Variants in PTPRD observed in about 807,000 individuals in gnomAD.
PTPRD encodes protein tyrosine phosphatase receptor type D, also known as receptor-type tyrosine-protein phosphatase delta.
In PTPRD, 34 loss-of-function variants were observed where a neutral mutation model predicts 214.5. The ratio of observed to expected loss-of-function variants is 0.16; its 90% CI spans 0.12 to 0.21. The LOEUF is 0.21. PTPRD is among the 10% of genes least tolerant of loss of function. PTPRD has a pLI of 1.00. For missense variants in PTPRD, 2,545 were observed against 2,398.7 expected, an observed-to-expected ratio of 1.06 and a Z score of -1.27; for synonymous variants, 1,128 against 845.7, an observed-to-expected ratio of 1.33 and a Z score of -5.79.
chr9:8,837,568 T>C (rs186423282), intron 11 of PTPRD, among the ~76,000 whole-genome samples: 18 of 152,284 alleles, frequency 1.2e-4, no homozygotes, highest in South Asian at 2.1e-4. Context: ...AGTAGCACAA[T>C]CGTGGTGAGC....
At chr9:10,355,479 CTT>C (rs1273617961) in intron 2 of PTPRD, among the ~76,000 whole-genome samples, 9 of 136,652 alleles carry the variant, frequency 6.6e-5, no homozygotes, top group Admixed American at 1.5e-4. Context: ...TATTTCTTTT[CTT>C]TTTTTTTTTT....
chr9:9,185,342 C>G (rs1199793367), intron 9 of PTPRD, among the ~76,000 whole-genome samples: 1 of 151,988 alleles, frequency 6.6e-6, no homozygotes, highest in Non-Finnish European at 1.5e-5. Context: ...ACTGACACTT[C>G]TCTCCCTTTC....
intron 12 of PTPRD, among the ~76,000 whole-genome samples, chr9:8,656,350 C>A (rs921106145): frequency 1.3e-5 from 2 of 152,270 alleles, no homozygotes; most frequent in South Asian, 2.1e-4. Flanking sequence ...AAAGCTGATT[C>A]CACTTTCAGA....
intron 8 of PTPRD, among the ~76,000 whole-genome samples, chr9:9,573,234 TA>T (rs2087112680): frequency 6.6e-6 from 1 of 151,614 alleles, no homozygotes; most frequent in East Asian, 1.9e-4. Flanking sequence ...AACAAAGCAA[TA>T]CCTACTGTAT....
rs547443874 is a variant in PTPRD at position 10,112,237 on chromosome 9, C to T, written c.-544-78447G>A. Among the ~76,000 whole-genome samples, 16 of 152,282 alleles carry T rather than the reference C, an allele frequency of 1.1e-4. 1 individual carries two copies. In the South Asian group the frequency reaches 3.3e-3, roughly 32 times the overall value. Reference sequence around the variant, plus strand: ...AGAAGCCGACTAGCCAGGAAGACAACCAGTCACAGCTGAGCTCCCAGGGTT... The same window carrying T: ...AGAAGCCGACTAGCCAGGAAGACAATCAGTCACAGCTGAGCTCCCAGGGTT... On this transcript the variant is annotated intron_variant, in intron 3 of 45. Coordinates refer to ENST00000381196, the MANE Select transcript of PTPRD (RefSeq NM_002839.4).
At chr9:8,712,106 C>T (rs985098561) in intron 12 of PTPRD, among the ~76,000 whole-genome samples, 4 of 152,074 alleles carry the variant, frequency 2.6e-5, no homozygotes, top group South Asian at 2.1e-4. Flanking sequence ...TTTTTTAAAT[C>T]GACCAAGAAG....
intron 14 of PTPRD, among the ~76,000 whole-genome samples, chr9:8,618,072 T>C (rs1305373444): frequency 2.0e-5 from 3 of 152,132 alleles, no homozygotes; most frequent in Non-Finnish European, 4.4e-5. Context: ...ACTGTGAGGA[T>C]CTTCTCACTG....
At chr9:9,757,248 T>A (rs1460184249) in intron 6 of PTPRD, among the ~76,000 whole-genome samples, 1 of 152,202 alleles carries the variant, frequency 6.6e-6, no homozygotes, top group African/African-American at 2.4e-5. Context: ...ATTTAATATT[T>A]ACTCTTCGGT....
intron 12 of PTPRD, among the ~76,000 whole-genome samples, chr9:8,705,080 C>T (rs1022110628): frequency 5.3e-5 from 8 of 152,110 alleles, no homozygotes; most frequent in Admixed American, 1.3e-4. Context: ...CCTTATATTA[C>T]TGCAATTTTC....
chr9:8,625,204 T>C (rs536875983), intron 14 of PTPRD, among the ~76,000 whole-genome samples: 42 of 151,948 alleles, frequency 2.8e-4, no homozygotes, highest in Non-Finnish European at 5.9e-4. Flanking sequence ...ACACTATATA[T>C]ATATATACTA....
At chr9:9,251,765 T>G (rs574422704) in intron 9 of PTPRD, among the ~76,000 whole-genome samples, 1 of 152,234 alleles carries the variant, frequency 6.6e-6, no homozygotes, top group Admixed American at 6.5e-5. Flanking sequence ...AATTGTTGAA[T>G]AAAGTGTTTA....
intron 5 of PTPRD, among the ~76,000 whole-genome samples, chr9:9,824,652 A>T (rs2052051462): frequency 6.6e-6 from 1 of 152,048 alleles, no homozygotes; most frequent in Admixed American, 6.6e-5. Flanking sequence ...TTCAGTTGTA[A>T]AAGATATTCT....
In PTPRD at chr9:9,990,104, A is replaced by G. The variant is rs547784248; in HGVS notation, c.-472+43614T>C. On this transcript the variant is annotated intron_variant, in intron 4 of 45. Transcript: ENST00000381196. ...TGCCACTTACAGGGGAGAGGATTCA[A>G]CCATCTCTCTCTTTCTATGGATGAA... 2.6e-5 allele frequency among the ~76,000 whole-genome samples: 4 copies of G among 152,220 alleles called. No homozygotes were observed. The East Asian group carries it at 7.8e-4, about 30-fold the overall frequency.
intron 2 of PTPRD, among the ~76,000 whole-genome samples, chr9:10,517,931 A>C (rs572705158): frequency 4.3e-4 from 65 of 152,176 alleles, no homozygotes; most frequent in Non-Finnish European, 7.8e-4. Context: ...ACTGGTTCTA[A>C]GGTAGAGAGT....
intron 12 of PTPRD, among the ~76,000 whole-genome samples, chr9:8,663,384 CT>C (rs1368976030): frequency 1.4e-5 from 2 of 147,290 alleles, no homozygotes; most frequent in Admixed American, 1.3e-4. Context: ...ATTTACCAAA[CT>C]AAAAAAAAAA....
At chr9:8,687,856 A>T (rs1238303973) in intron 12 of PTPRD, among the ~76,000 whole-genome samples, 1 of 151,828 alleles carries the variant, frequency 6.6e-6, no homozygotes, top group East Asian at 1.9e-4. Context: ...GGAGATGATG[A>T]GGTTATTTGA....
intron 3 of PTPRD, among the ~76,000 whole-genome samples, chr9:10,068,163 C>T (rs567383643): frequency 4.0e-5 from 6 of 151,784 alleles, no homozygotes; most frequent in African/African-American, 1.5e-4. Flanking sequence ...ACAAGAAAGA[C>T]AACTGGTTGC....
intron 11 of PTPRD, among the ~76,000 whole-genome samples, chr9:8,826,912 C>G (rs1452994468): frequency 6.6e-6 from 1 of 152,016 alleles, no homozygotes; most frequent in South Asian, 2.1e-4. Context: ...TATGGGATAC[C>G]CAATGAGCAC....
chr9:8,391,084 T>TG (rs1384144340), intron 36 of PTPRD, among the ~76,000 whole-genome samples: 1 of 152,100 alleles, frequency 6.6e-6, no homozygotes, highest in East Asian at 1.9e-4. Flanking sequence ...CACTAGAACT[T>TG]GTGCATGATC....
Sources: gnomAD v4.1 joint callset for allele counts (sites outside exome capture counted in the v4.1 genomes callset) on GRCh38, gnomAD v4.1.1 for gene constraint, MANE v1.5 for transcripts, NCBI Gene and HGNC (gene_info 2026-07-23, HGNC 2026-07-21) for gene names.